The following RTN1 variants were observed in gnomAD, a reference collection of about 807,000 sequenced individuals.
RTN1 encodes reticulon-1.
In RTN1, 25 loss-of-function variants were observed where a neutral mutation model predicts 65.5. That is an observed-to-expected ratio of 0.38 (90% CI 0.28 to 0.53). RTN1 has a LOEUF of 0.53. Ranked by LOEUF, RTN1 falls within the 20% of genes least tolerant of loss-of-function variation. The pLI, the probability that RTN1 is intolerant of heterozygous loss-of-function variation, is 0.79. For missense variants in RTN1, 983 were observed against 1,025.4 expected, an observed-to-expected ratio of 0.96 and a Z score of 0.57; for synonymous variants, 471 against 447.6, an observed-to-expected ratio of 1.05 and a Z score of -0.66.
chr14:59,646,199 G>C (rs1882892505), intron 3 of RTN1, among the ~76,000 whole-genome samples: 1 of 152,102 alleles, frequency 6.6e-6, no homozygotes, highest in Non-Finnish European at 1.5e-5. Context: ...ACCAAACTGA[G>C]GAAGAAATCT....
At position 59,746,378 on chromosome 14, in the gene RTN1, T is replaced by C. The variant is rs1236954527; in HGVS notation, c.345A>G (p.Pro115=). The C allele has an allele frequency of 6.2e-7, 1 of 1,613,888 alleles. No individual in the cohort carries two copies. Among genetic ancestry groups the C allele is most frequent in the East Asian group, 2.2e-5 (1 of 44,874 alleles). The change falls in exon 2 of 9, where the codon CCA becomes CCG. Residue 115 remains proline, a synonymous_variant. Coordinates refer to ENST00000267484, the MANE Select transcript of RTN1 (RefSeq NM_021136.3). ...TAAAATATGTAGAATCCTCCTGAGG[T>C]GGATAGCAGATGTCAGAAATGAGAG... is the stretch of plus-strand genomic sequence containing the variant. ...YTSLISDICY[P]PQEDSTYFTG...
chr14:59,668,692 G>C (rs757822450), intron 3 of RTN1, among the ~76,000 whole-genome samples: 4 of 152,098 alleles, frequency 2.6e-5, no homozygotes, highest in Non-Finnish European at 4.4e-5. Flanking sequence ...GAAAATTTTT[G>C]CAATCTACCC....
intron 1 of RTN1, among the ~76,000 whole-genome samples, chr14:59,750,490 ATATAT>A (rs1478643401): frequency 4.9e-5 from 2 of 40,620 alleles, no homozygotes; most frequent in Non-Finnish European, 9.2e-5. Flanking sequence ...TCTATAATAT[ATATAT>A]TATATCTATA....
chr14:59,623,928 A>T (rs1156308787), intron 3 of RTN1, among the ~76,000 whole-genome samples: 1 of 152,230 alleles, frequency 6.6e-6, no homozygotes, highest in Non-Finnish European at 1.5e-5. Flanking sequence ...AAATTTGCCA[A>T]TCTGCAGTTT....
intron 3 of RTN1, among the ~76,000 whole-genome samples, chr14:59,707,248 C>T (rs935401642): frequency 6.6e-6 from 1 of 152,210 alleles, no homozygotes; most frequent in African/African-American, 2.4e-5. Flanking sequence ...CTATCTTTAA[C>T]AAGAGCCTCA....
At chr14:59,738,156 C>G (rs368018758) in intron 2 of RTN1, among the ~76,000 whole-genome samples, 12 of 152,302 alleles carry the variant, frequency 7.9e-5, no homozygotes, top group African/African-American at 2.6e-4. Flanking sequence ...CTCAAACTGA[C>G]AAATGGGATC....
At position 59,646,089 on chromosome 14, in the gene RTN1, G is replaced by A. The variant is rs1487524013; in HGVS notation, c.1766-38597C>T. On this transcript the variant is annotated intron_variant, in intron 3 of 8. Coordinates refer to ENST00000267484, the MANE Select transcript of RTN1 (RefSeq NM_021136.3). ...ATCAAAATAAAATGATACCGAAGCT[G>A]ACAGATAAAATAGCCAGTATAAAAG... Among the ~76,000 whole-genome samples the A allele has an allele frequency of 9.9e-5, 15 of 152,246 alleles. No homozygotes were observed. In the East Asian group the frequency reaches 2.7e-3, roughly 27 times the overall value.
chr14:59,745,784 G>T lies in RTN1; in HGVS notation c.939C>A (p.Asp313Glu). 2 of 1,614,030 alleles carry T rather than the reference G, an allele frequency of 1.2e-6. No individual in the cohort carries two copies. The highest frequency in any genetic ancestry group is 1.7e-6 in the Non-Finnish European group (2 of 1,179,976). ...KQDICLKPSP[D>E]TVPTVTVSEP... The stretch of plus-strand genomic sequence containing the variant: ...CCGAGACAGTGACAGTGGGGACTGT[G>T]TCAGGACTTGGCTTTAGACATATAT... The change falls in exon 2 of 9, where the codon GAC (aspartate) becomes GAA (glutamate). Residue 313 changes from aspartate (D) to glutamate (E), a missense_variant. Transcript: ENST00000267484.
chr14:59,843,269 G>A (rs1302353435), intron 1 of RTN1, among the ~76,000 whole-genome samples: 1 of 152,188 alleles, frequency 6.6e-6, no homozygotes. Flanking sequence ...GAGCCACTCT[G>A]TGGTGATAGA....
chr14:59,642,098 G>C (rs1477220706), intron 3 of RTN1, among the ~76,000 whole-genome samples: 2 of 152,066 alleles, frequency 1.3e-5, no homozygotes, highest in Non-Finnish European at 2.9e-5. Context: ...ATTTTTGAAT[G>C]ATAGTTTCAT....
At chr14:59,678,168 C>T (rs1186668521) in intron 3 of RTN1, among the ~76,000 whole-genome samples, 1 of 152,094 alleles carries the variant, frequency 6.6e-6, no homozygotes, top group Non-Finnish European at 1.5e-5. Flanking sequence ...GTTCTGGGGT[C>T]TGGAGGATTT....
intron 1 of RTN1, among the ~76,000 whole-genome samples, chr14:59,758,130 A>C (rs911101984): frequency 6.6e-6 from 1 of 152,082 alleles, no homozygotes; most frequent in Admixed American, 6.5e-5. Context: ...ATTTGGAATC[A>C]CCCATAATTC....
At chr14:59,785,415 A>G (rs1886233786) in intron 1 of RTN1, among the ~76,000 whole-genome samples, 1 of 152,220 alleles carries the variant, frequency 6.6e-6, no homozygotes. Flanking sequence ...TCATAAGAAA[A>G]ATTACAACAA....
At chr14:59,733,034 C>A (rs1566703462) in intron 2 of RTN1, among the ~76,000 whole-genome samples, 1 of 151,858 alleles carries the variant, frequency 6.6e-6, no homozygotes, top group East Asian at 1.9e-4. Flanking sequence ...GAAGGGTCCC[C>A]CCAGTAGCAC....
At chr14:59,670,730 G>T (rs1018282588) in intron 3 of RTN1, among the ~76,000 whole-genome samples, 2 of 152,166 alleles carry the variant, frequency 1.3e-5, no homozygotes, top group Admixed American at 6.5e-5. Flanking sequence ...GCTGGAACAG[G>T]CTAAATAAGT....
chr14:59,656,214 TG>T (rs951782854), intron 3 of RTN1, among the ~76,000 whole-genome samples: 25 of 149,452 alleles, frequency 1.7e-4, no homozygotes, highest in African/African-American at 5.9e-4. Context: ...AGCTGGGAGG[TG>T]GGGGGAATGA....
In RTN1 at chr14:59,597,674, A is replaced by G. The variant is rs1022676167; in HGVS notation, c.2289-887T>C. Among the ~76,000 whole-genome samples the G allele has an allele frequency of 1.1e-4, 16 of 152,214 alleles. 1 individual carries two copies. Among genetic ancestry groups the G allele is most frequent in the Admixed American group, 1.0e-3 (16 of 15,288 alleles). ...AAGTTTAGATGGTGATAACTGCTAT[A>G]AAGAAAAACAAGGTGGTATGGCAGG... On this transcript the variant is annotated intron_variant, in intron 8 of 8. Coordinates refer to ENST00000267484, the MANE Select transcript of RTN1 (RefSeq NM_021136.3).
At chr14:59,749,116 A>ATC (rs202217346) in intron 1 of RTN1, among the ~76,000 whole-genome samples, 5,102 of 55,958 alleles carry the variant, frequency 0.091, 634 homozygotes, top group Admixed American at 0.13. Flanking sequence ...ATATATATAT[A>ATC]TATATATAGA....
At chr14:59,667,758 A>C (rs1883411660) in intron 3 of RTN1, among the ~76,000 whole-genome samples, 1 of 152,208 alleles carries the variant, frequency 6.6e-6, no homozygotes. Flanking sequence ...TAACTTCAGC[A>C]AAGTCTCAGG....
Sources: allele counts gnomAD v4.1 joint callset (sites outside exome capture counted in the v4.1 genomes callset), GRCh38; gene constraint gnomAD v4.1.1; transcripts MANE v1.5; gene names NCBI Gene and HGNC (gene_info 2026-07-23, HGNC 2026-07-21).